The following PKNOX2 variants were observed in gnomAD, a reference collection of about 807,000 sequenced individuals.
PKNOX2 encodes PBX/knotted 1 homeobox 2.
Under a neutral mutation model 53.1 loss-of-function variants are expected in PKNOX2, and 14 were observed. The ratio of observed to expected loss-of-function variants is 0.26; its 90% CI spans 0.17 to 0.41. The LOEUF (loss-of-function observed/expected upper bound fraction) is 0.41, where lower values mean the gene tolerates loss of function less well. Among genes scored for constraint, PKNOX2 ranks in the 10% least tolerant of loss-of-function variants. The pLI, the probability that PKNOX2 is intolerant of heterozygous loss-of-function variation, is 1.00. For missense variants in PKNOX2, 496 were observed against 602.8 expected (o/e 0.82, Z 1.85); for synonymous variants, 257 against 242.8 (o/e 1.06, Z -0.54).
At position 125,404,250 on chromosome 11, in the gene PKNOX2, C is replaced by T. The variant is rs141436055; in HGVS notation, c.589-5946C>T. Among the ~76,000 whole-genome samples the T allele has an allele frequency of 3.2e-3, 492 of 152,368 alleles. 7 individuals carry two copies. Among genetic ancestry groups the T allele is most frequent in the African/African-American group, 0.011 (449 of 41,592 alleles). ...GTCTCTTCTGCCGGTTCCTCACCCC[C>T]AGCCCTGCAGCCGTGGAGCCCAGAG... On this transcript the variant is annotated intron_variant, in intron 7 of 12. Transcript: ENST00000298282.
intron 4 of PKNOX2, among the ~76,000 whole-genome samples, chr11:125,362,284 TTC>T (rs1951966547): frequency 6.6e-6 from 1 of 152,232 alleles, no homozygotes; most frequent in South Asian, 2.1e-4. Flanking sequence ...CTCTGTGGGC[TTC>T]TGTTTTCTCA....
chr11:125,288,866 T>A (rs1462884276), intron 2 of PKNOX2, among the ~76,000 whole-genome samples: 6 of 152,250 alleles, frequency 3.9e-5, no homozygotes, highest in Non-Finnish European at 8.8e-5. Context: ...AGGTGCTTTG[T>A]ACGTATTTCT....
In PKNOX2 at chr11:125,422,579, A is replaced by C. The variant is rs781472555; in HGVS notation, c.937-6433A>C. Among the ~76,000 whole-genome samples, 1 of 152,184 alleles carries C rather than the reference A, an allele frequency of 6.6e-6. No individual in the cohort carries two copies. The highest frequency in any genetic ancestry group is 6.5e-5 in the Admixed American group (1 of 15,292). ...AATTGGATTGATGCTTCTCCATCCA[A>C]GACTGAGCCTTGTCGACAACAGGCA... On this transcript the variant is annotated intron_variant, in intron 10 of 12. Transcript: ENST00000298282. The surrounding 1 kb of genome is among the most constrained non-coding windows in gnomAD (Gnocchi z 4.1).
intron 5 of PKNOX2, among the ~76,000 whole-genome samples, chr11:125,383,008 A>G (rs1953357190): frequency 6.6e-6 from 1 of 152,110 alleles, no homozygotes; most frequent in South Asian, 2.1e-4. Context: ...TTCCAAAACC[A>G]GGGTCGGGGA....
intron 2 of PKNOX2, among the ~76,000 whole-genome samples, chr11:125,315,624 A>G (rs1447137943): frequency 2.0e-5 from 3 of 152,100 alleles, no homozygotes; most frequent in Non-Finnish European, 2.9e-5. Context: ...GGCTGAGTGC[A>G]TGGCAGCTAA....
rs1245333439 is a variant in PKNOX2, at chr11:125,235,086, T to C, written c.-159T>C. 6.5e-6 allele frequency: 1 copy of C among 152,704 alleles called. No individual in the cohort carries two copies. Among genetic ancestry groups the C allele is most frequent in the East Asian group, 1.9e-4 (1 of 5,198 alleles). 9.5% of individuals were successfully genotyped at this position (152,704 alleles called of 1,614,324 possible). A position where few individuals can be genotyped will look rare whatever the true frequency, so the allele number is the denominator to read the frequency against. ...GACTTCTGAGGCTTTCTATCCTCCA[T>C]GCTGCTCACTAGAAAAGGGGCTGTG... On this transcript the variant is annotated 5_prime_UTR_variant, in exon 2 of 13. It removes an upstream start codon present in the reference 5' UTR. Coordinates refer to ENST00000298282, the MANE Select transcript of PKNOX2 (RefSeq NM_001382323.2).
chr11:125,237,381 C>T lies in PKNOX2; in HGVS notation c.-130+2266C>T, dbSNP rs139109498. On this transcript the variant is annotated intron_variant, in intron 2 of 12. Coordinates refer to ENST00000298282, the MANE Select transcript of PKNOX2 (RefSeq NM_001382323.2). The stretch of plus-strand genomic sequence containing the variant: ...TTAAGAGAAGGGAACATAAATACCC[C>T]CCTTCTCCATCTCTCCAAGGAGTAT... Among the ~76,000 whole-genome samples the T allele has an allele frequency of 4.4e-3, 663 of 152,308 alleles. 7 individuals carry two copies. The highest frequency in any genetic ancestry group is 0.016 in the African/African-American group (648 of 41,566).
At chr11:125,339,265 T>C (rs2136144539) in intron 3 of PKNOX2, among the ~76,000 whole-genome samples, 1 of 152,286 alleles carries the variant, frequency 6.6e-6, no homozygotes, top group South Asian at 2.1e-4. Context: ...TGGCTGCCCA[T>C]TCAGACTGCT....
intron 1 of PKNOX2, among the ~76,000 whole-genome samples, chr11:125,207,377 T>G (rs1591480977): frequency 6.6e-6 from 1 of 151,736 alleles, no homozygotes; most frequent in Non-Finnish European, 1.5e-5. Context: ...GAGACAGAAA[T>G]GTGAGTGCCG....
In PKNOX2 at chr11:125,326,982, C is replaced by T. The variant is rs554865012; in HGVS notation, c.-129-4837C>T. On this transcript the variant is annotated intron_variant, in intron 2 of 12. Coordinates refer to ENST00000298282, the MANE Select transcript of PKNOX2 (RefSeq NM_001382323.2). ...GTGTAGGCAAACCACACTTTCATCA[C>T]CGCACTCACGGAAGAAGAGGCCCTT... Among the ~76,000 whole-genome samples the T allele has an allele frequency of 3.3e-5, 5 of 152,292 alleles. No individual in the cohort carries two copies. In the East Asian group the frequency reaches 7.7e-4, roughly 23 times the overall value.
intron 2 of PKNOX2, among the ~76,000 whole-genome samples, chr11:125,318,149 C>G (rs944295369): frequency 6.6e-6 from 1 of 152,162 alleles, no homozygotes; most frequent in Non-Finnish European, 1.5e-5. Context: ...CTCTGTCACC[C>G]AGGCTGGAAT....
intron 1 of PKNOX2, among the ~76,000 whole-genome samples, chr11:125,174,594 C>G (rs974485590): frequency 1.3e-5 from 2 of 152,156 alleles, no homozygotes; most frequent in African/African-American, 2.4e-5. Flanking sequence ...GAACACCTAG[C>G]CCAGCAGTGG....
chr11:125,431,635 G>A lies in PKNOX2; in HGVS notation c.*243G>A, dbSNP rs1046898710. ...AGGACTCTGTTTGGCGGGGCCAGTC[G>A]AGCAGCCTGTGTGGAAAGACAGGAG... On this transcript the variant is annotated 3_prime_UTR_variant, in exon 13 of 13. Coordinates refer to ENST00000298282, the MANE Select transcript of PKNOX2 (RefSeq NM_001382323.2). The A allele has an allele frequency of 1.7e-5, 9 of 535,856 alleles. No individual in the cohort carries two copies. Among genetic ancestry groups the A allele is most frequent in the African/African-American group, 7.6e-5 (4 of 52,810 alleles). 33.2% of individuals were successfully genotyped at this position (535,856 alleles called of 1,614,324 possible). A position where few individuals can be genotyped will look rare whatever the true frequency, so the allele number is the denominator to read the frequency against.
chr11:125,398,733 C>G (rs1954563646), intron 7 of PKNOX2, among the ~76,000 whole-genome samples: 1 of 152,206 alleles, frequency 6.6e-6, no homozygotes, highest in African/African-American at 2.4e-5. Flanking sequence ...GGATATTTTC[C>G]CCAAACCTAC....
intron 1 of PKNOX2, among the ~76,000 whole-genome samples, chr11:125,223,020 T>C (rs1188421966): frequency 6.6e-6 from 1 of 151,970 alleles, no homozygotes; most frequent in Non-Finnish European, 1.5e-5. Context: ...TCGTCTGGGA[T>C]TTTCTAGATG....
intron 1 of PKNOX2, among the ~76,000 whole-genome samples, chr11:125,204,654 G>A (rs904377975): frequency 9.9e-5 from 15 of 152,136 alleles, no homozygotes; most frequent in Admixed American, 8.5e-4. Flanking sequence ...AAAGGAGCTC[G>A]CCTCCCATTT....
At chr11:125,414,470 G>C (rs1238576216) in intron 10 of PKNOX2, among the ~76,000 whole-genome samples, 1 of 152,204 alleles carries the variant, frequency 6.6e-6, no homozygotes, top group Non-Finnish European at 1.5e-5. Context: ...GCAGAGCTCA[G>C]AACTTTGGGA....
intron 2 of PKNOX2, among the ~76,000 whole-genome samples, chr11:125,316,633 A>G (rs1175605409): frequency 1.3e-5 from 2 of 152,242 alleles, no homozygotes; most frequent in Admixed American, 1.3e-4. Context: ...TAGTCTATTA[A>G]GTGTGGAATA....
At chr11:125,268,980 AG>A (rs200886235) in intron 2 of PKNOX2, among the ~76,000 whole-genome samples, 3,967 of 121,376 alleles carry the variant, frequency 0.033, 89 homozygotes, top group Middle Eastern at 0.052. Context: ...GGTGGAGGGC[AG>A]GGGGGCTGCT....
Sources: gnomAD v4.1 joint callset for allele counts (sites outside exome capture counted in the v4.1 genomes callset) on GRCh38, gnomAD v4.1.1 for gene constraint, Gnocchi (gnomAD v3.1) non-coding constraint, MANE v1.5 for transcripts, NCBI Gene and HGNC (gene_info 2026-07-23, HGNC 2026-07-21) for gene names.